The following TEK variants were observed in gnomAD, a reference collection of about 807,000 sequenced individuals.
TEK encodes the protein angiopoietin-1 receptor.
Under a neutral mutation model 131.8 loss-of-function variants are expected in TEK, and 43 were observed. The observed-to-expected ratio is 0.33, with a 90% confidence interval of 0.26 to 0.42. The LOEUF (loss-of-function observed/expected upper bound fraction) is 0.42, where lower values mean the gene tolerates loss of function less well. Among genes scored for constraint, TEK ranks in the 10% least tolerant of loss-of-function variants. TEK has a pLI of 1.00. For missense variants in TEK, 1,162 were observed against 1,384.4 expected (o/e 0.84, Z 2.55); for synonymous variants, 580 against 491.6 (o/e 1.18, Z -2.38).
intron 19 of TEK, among the ~76,000 whole-genome samples, chr9:27,218,353 A>G (rs1040700821): frequency 6.6e-6 from 1 of 151,952 alleles, no homozygotes; most frequent in African/African-American, 2.4e-5. Context: ...GGTGCTTTTT[A>G]TGTTTCTCTG....
At chr9:27,119,881 G>C (rs1564035872) in intron 1 of TEK, among the ~76,000 whole-genome samples, 1 of 100,082 alleles carries the variant, frequency 1.0e-5, no homozygotes, top group Non-Finnish European at 2.2e-5. Flanking sequence ...TGGTGTCTGT[G>C]TGCACATGCG....
In TEK at chr9:27,126,109, G is replaced by A. The variant is rs751192532; in HGVS notation, c.52+16467G>A. 3.3e-5 allele frequency among the ~76,000 whole-genome samples: 5 copies of A among 152,210 alleles called. No individual in the cohort carries two copies. The South Asian group carries it at 6.2e-4, about 19-fold the overall frequency. ...GCAAGCTTCTGGTCACGACATTTTC[G>A]TCAACACATTAATACATAACCCTGC... On this transcript the variant is annotated intron_variant, in intron 1 of 22. Transcript: ENST00000380036.
rs1784992223 is a variant in TEK at position 27,180,466 on chromosome 9, C to T, written c.1030+98C>T. The T allele has an allele frequency of 1.8e-5, 28 of 1,514,468 alleles. No individual in the cohort carries two copies. The South Asian group carries it at 3.2e-4, about 18-fold the overall frequency. 93.8% of individuals were successfully genotyped at this position (1,514,468 alleles called of 1,614,324 possible). ...GTGCCGGCATTCTAAGATCCTCAAG[C>T]CTCTTTTGTTTCCATCCAGAAGTTG... is the stretch of plus-strand genomic sequence containing the variant. On this transcript the variant is annotated intron_variant, in intron 7 of 22. Transcript: ENST00000380036.
chr9:27,217,271 C>T (rs1184101482), intron 18 of TEK, among the ~76,000 whole-genome samples: 1 of 152,172 alleles, frequency 6.6e-6, no homozygotes, highest in African/African-American at 2.4e-5. Flanking sequence ...GAATCTCCCT[C>T]CATCATCTCC....
In TEK at chr9:27,178,445, C is replaced by T. The variant is rs1435975712; in HGVS notation, c.902-1795C>T. Among the ~76,000 whole-genome samples the T allele has an allele frequency of 4.0e-5, 6 of 151,850 alleles. No individual in the cohort carries two copies. The East Asian group carries it at 1.2e-3, about 29-fold the overall frequency. ...TCAATATTGCTTTGGCTATTCTAGG[C>T]CTTCTGTGGTTCAATATAAATTTTA... On this transcript the variant is annotated intron_variant, in intron 6 of 22. Transcript: ENST00000380036.
intron 1 of TEK, among the ~76,000 whole-genome samples, chr9:27,124,845 C>T (rs1821929815): frequency 6.6e-6 from 1 of 152,108 alleles, no homozygotes; most frequent in South Asian, 2.1e-4. Context: ...TCCATCTAAC[C>T]ATCAACACCT....
rs1181437010 is a variant in TEK, at chr9:27,197,569, G to A, written c.1879G>A (p.Glu627Lys). ...VNTKAQGEWS[E>K]DLTAWTLSDI... ...CACCAAGGCCCAGGGGGAATGGAGTGAAGATCTCACTGCTTGGACCCTTAG... is the reference window on the plus strand; with the variant it reads ...CACCAAGGCCCAGGGGGAATGGAGTAAAGATCTCACTGCTTGGACCCTTAG... The change falls in exon 12 of 23, where the codon GAA becomes AAA. Residue 627 changes from glutamate (E) to lysine (K), a missense_variant. Glu to Lys is a moderately conservative substitution (Grantham distance 56, BLOSUM62 1). Transcript: ENST00000380036. 1.9e-6 allele frequency: 3 copies of A among 1,613,944 alleles called. No individual in the cohort carries two copies. Among genetic ancestry groups the A allele is most frequent in the Non-Finnish European group, 2.5e-6 (3 of 1,179,990 alleles).
intron 1 of TEK, among the ~76,000 whole-genome samples, chr9:27,138,854 A>G (rs1822606541): frequency 6.6e-6 from 1 of 152,128 alleles, no homozygotes. Flanking sequence ...CCTGGAACCA[A>G]TCCCCTGTGT....
chr9:27,163,778 A>G (rs1823626582), intron 2 of TEK, among the ~76,000 whole-genome samples: 1 of 152,236 alleles, frequency 6.6e-6, no homozygotes, highest in Non-Finnish European at 1.5e-5. Flanking sequence ...AAATTGCACA[A>G]AATAATCACA....
intron 14 of TEK, 102 bp from the exon 15 acceptor site, chr9:27,206,480 T>C: frequency 4.9e-6 from 6 of 1,234,668 alleles, no homozygotes; most frequent in East Asian, 5.1e-5. Flanking sequence ...TTAAATACAG[T>C]ATTTCTTTTT....
chr9:27,193,249 T>C (rs1824886671), intron 11 of TEK, among the ~76,000 whole-genome samples: 1 of 152,182 alleles, frequency 6.6e-6, no homozygotes, highest in Non-Finnish European at 1.5e-5. Context: ...AAATCAGTGG[T>C]TCTCAAACCT....
intron 16 of TEK, among the ~76,000 whole-genome samples, 169 bp from the exon 17 acceptor site, chr9:27,212,538 A>G (rs553838774): frequency 6.6e-6 from 1 of 152,138 alleles, no homozygotes; most frequent in Non-Finnish European, 1.5e-5. Context: ...TGAGTATTGC[A>G]GGAGGGTGTC....
intron 11 of TEK, chr9:27,195,714 C>A: frequency 2.2e-6 from 1 of 455,966 alleles, no homozygotes; most frequent in Non-Finnish European, 4.4e-6. Context: ...AGGGAGGAAA[C>A]CAGTGTTAAT....
At chr9:27,131,340 A>G (rs1213176569) in intron 1 of TEK, among the ~76,000 whole-genome samples, 2 of 151,782 alleles carry the variant, frequency 1.3e-5, no homozygotes, top group Middle Eastern at 3.2e-3. Context: ...TACAAAAATC[A>G]GGTGGGTGTG....
At chr9:27,121,684 GA>G (rs551923474) in intron 1 of TEK, among the ~76,000 whole-genome samples, 27 of 151,954 alleles carry the variant, frequency 1.8e-4, no homozygotes, top group East Asian at 7.7e-4. Context: ...ATGAGGATAA[GA>G]AAAAAAGTTA....
At chr9:27,152,390 GCTGTATGTGAAC>G (rs1425386463) in intron 1 of TEK, among the ~76,000 whole-genome samples, 25 of 148,058 alleles carry the variant, frequency 1.7e-4, no homozygotes, top group Non-Finnish European at 3.0e-4. Flanking sequence ...TTCATCTGCA[GCTGTATGTGAAC>G]TGGAATGTGG....
At chr9:27,110,654 C>T (rs996359287) in intron 1 of TEK, among the ~76,000 whole-genome samples, 2 of 152,026 alleles carry the variant, frequency 1.3e-5, no homozygotes, top group African/African-American at 2.4e-5. Flanking sequence ...TAAGTATCTG[C>T]TATATTTTCT....
At chr9:27,213,194 T>C (rs1212620519) in intron 17 of TEK, among the ~76,000 whole-genome samples, 1 of 152,230 alleles carries the variant, frequency 6.6e-6, no homozygotes, top group Non-Finnish European at 1.5e-5. Context: ...TCTCTTAGCC[T>C]GGTTTGCCTC....
At position 27,206,810 on chromosome 9, in the gene TEK, TAG is replaced by T. The variant is rs759537202; in HGVS notation, c.2575+21_2575+22del. The T allele has an allele frequency of 1.5e-5, 24 of 1,612,018 alleles. No homozygotes were observed. The Middle Eastern group carries it at 2.9e-3, about 193-fold the overall frequency. On this transcript the variant is annotated intron_variant, in intron 15 of 22. Transcript: ENST00000380036. Reference sequence around the variant, plus strand: ...AATGAAAGGTCAGTGGTTGACCAGATAGAGTCAGCATTGCGTGAGGGTGTGGA... The same window carrying T: ...AATGAAAGGTCAGTGGTTGACCAGATAGTCAGCATTGCGTGAGGGTGTGGA...
Sources: allele counts gnomAD v4.1 joint callset (sites outside exome capture counted in the v4.1 genomes callset), GRCh38; gene constraint gnomAD v4.1.1; transcripts MANE v1.5; gene names NCBI Gene and HGNC (gene_info 2026-07-23, HGNC 2026-07-21).